Variants in PDCD1 observed in about 807,000 individuals in gnomAD.
PDCD1 encodes programmed cell death 1, also known as programmed cell death protein 1.
A neutral mutation model predicts 23.6 loss-of-function variants in PDCD1; 10 were observed. The observed-to-expected ratio is 0.42, with a 90% confidence interval of 0.26 to 0.72. PDCD1 has a LOEUF of 0.72. PDCD1 is among the 30% of genes least tolerant of loss of function. PDCD1 has a pLI of 0.24. For missense variants in PDCD1, 313 were observed against 397.8 expected (o/e 0.79, Z 1.81); for synonymous variants, 168 against 169.3 (o/e 0.99, Z 0.06).
chr2:241,857,989 C>G (rs999812626), intron 1 of PDCD1, among the ~76,000 whole-genome samples: 1 of 152,170 alleles, frequency 6.6e-6, no homozygotes, highest in African/African-American at 2.4e-5. Context: ...GGGCTGTGGT[C>G]ACAGTGTACA....
intron 1 of PDCD1, among the ~76,000 whole-genome samples, chr2:241,855,946 C>T (rs932261052): frequency 2.0e-5 from 3 of 152,168 alleles, no homozygotes; most frequent in Admixed American, 6.5e-5. Context: ...CCTCAGAAGG[C>T]GGCCTTATTA....
At chr2:241,854,685 G>A (rs1700985223) in intron 1 of PDCD1, among the ~76,000 whole-genome samples, 1 of 152,134 alleles carries the variant, frequency 6.6e-6, no homozygotes, top group South Asian at 2.1e-4. Context: ...CCTGCCCTCT[G>A]GGTTTCTGGG....
intron 1 of PDCD1, among the ~76,000 whole-genome samples, chr2:241,857,900 A>G (rs1701060215): frequency 6.6e-6 from 1 of 151,670 alleles, no homozygotes; most frequent in Admixed American, 6.6e-5. Flanking sequence ...GGGTGAAACC[A>G]CCCTCCCCAG....
chr2:241,858,762 C>T lies in PDCD1; in HGVS notation c.76+1G>A. ...GACACCTGACCGCCGACCCCACCTA[C>T]CTAAGAACCATCCTGGCCGCCAGCC... is the stretch of plus-strand genomic sequence containing the variant. On this transcript the variant is annotated splice_donor_variant, in intron 1 of 4. Transcript: ENST00000334409. LOFTEE classifies it high-confidence loss of function. 6.3e-7 allele frequency: 1 copy of T among 1,589,060 alleles called. No individual in the cohort carries two copies. Among genetic ancestry groups the T allele is most frequent in the Non-Finnish European group, 8.6e-7 (1 of 1,168,168 alleles).
intron 1 of PDCD1, among the ~76,000 whole-genome samples, chr2:241,854,963 G>A (rs1700990111): frequency 6.6e-6 from 1 of 152,238 alleles, no homozygotes; most frequent in African/African-American, 2.4e-5. Context: ...TCTTGTAACT[G>A]GAAACTTAGC....
At chr2:241,856,704 G>A (rs1701035109) in intron 1 of PDCD1, among the ~76,000 whole-genome samples, 1 of 152,056 alleles carries the variant, frequency 6.6e-6, no homozygotes, top group African/African-American at 2.4e-5. Context: ...CGTGCCTATA[G>A]TCCCAGCTAC....
intron 2 of PDCD1, 79 bp from the exon 3 acceptor site, chr2:241,852,432 G>A: frequency 1.7e-6 from 2 of 1,147,138 alleles, no homozygotes. Context: ...AGACTAGAGG[G>A]GCTGGGGTGC....
At chr2:241,852,502 G>T in intron 2 of PDCD1, 119 bp downstream of exon 2, 1 of 1,304,972 alleles carries the variant, frequency 7.7e-7, no homozygotes, top group Non-Finnish European at 1.0e-6. Flanking sequence ...ACAGAGCCCT[G>T]GACTGGAGCT....
In PDCD1 at chr2:241,858,809, G is replaced by A. The variant is rs770292819; in HGVS notation, c.30C>T (p.Val10=). The change falls in exon 1 of 5, where the codon GTC becomes GTT. Residue 10 remains valine, a synonymous_variant. Transcript: ENST00000334409. ...AGCCCAGTTGTAGCACCGCCCAGAC[G>A]ACTGGCCAGGGCGCCTGTGGGATCT... The part of the protein sequence containing the change: MQIPQAPWP[V]VWAVLQLGWR... 20 of 1,589,092 alleles carry A rather than the reference G, an allele frequency of 1.3e-5. No homozygotes were observed. The highest frequency in any genetic ancestry group is 1.3e-5 in the Non-Finnish European group (15 of 1,168,362).
In PDCD1 at chr2:241,850,844, C is replaced by T. The variant is rs1217863273; in HGVS notation, c.*214G>A. 3.1e-6 allele frequency: 2 copies of T among 635,958 alleles called. No homozygotes were observed. The highest frequency in any genetic ancestry group is 2.7e-6 in the Non-Finnish European group (1 of 363,760). The allele number at this position is 635,958 out of a possible 1,614,324, so 39.4% of individuals were successfully genotyped here. A position where few individuals can be genotyped will look rare whatever the true frequency, so the allele number is the denominator to read the frequency against. ...GCCCTCCCTGTAGGGGACGGTGACA[C>T]CTGCTGCCTGGGCTCACTGTGGGCA... is the stretch of plus-strand genomic sequence containing the variant. On this transcript the variant is annotated 3_prime_UTR_variant, in exon 5 of 5. Transcript: ENST00000334409.
rs374226608 is a variant in PDCD1, at chr2:241,851,007, C to T, written c.*51G>A. Reference sequence around the variant, plus strand: ...TGCTTCTCCTGAGGAAATGCGCTGACCCGGGCTCATGGTGGAGGGTCTGCA... The same window carrying T: ...TGCTTCTCCTGAGGAAATGCGCTGATCCGGGCTCATGGTGGAGGGTCTGCA... On this transcript the variant is annotated 3_prime_UTR_variant, in exon 5 of 5. Coordinates refer to ENST00000334409, the MANE Select transcript of PDCD1 (RefSeq NM_005018.3). The T allele has an allele frequency of 2.5e-6, 4 of 1,573,456 alleles. No individual in the cohort carries two copies. The highest frequency in any genetic ancestry group is 1.3e-5 in the African/African-American group (1 of 74,246).
chr2:241,855,948 G>A (rs1321570537), intron 1 of PDCD1, among the ~76,000 whole-genome samples: 3 of 152,198 alleles, frequency 2.0e-5, no homozygotes, highest in African/African-American at 7.2e-5. Context: ...TCAGAAGGCG[G>A]CCTTATTAGG....
At position 241,857,750 on chromosome 2, in the gene PDCD1, G is replaced by A. The variant is rs1575403014; in HGVS notation, c.76+1013C>T. On this transcript the variant is annotated intron_variant, in intron 1 of 4. Transcript: ENST00000334409. ...GGAACCCCCAGTCGCCTGCCACAGT[G>A]AAGGGGCACCAGGACCCCCGGGGCA... is the stretch of plus-strand genomic sequence containing the variant. Among the ~76,000 whole-genome samples the A allele has an allele frequency of 3.3e-5, 5 of 152,322 alleles. 1 individual carries two copies. The South Asian group carries it at 1.0e-3, about 32-fold the overall frequency.
At position 241,850,679 on chromosome 2, in the gene PDCD1, CGG is replaced by C; in HGVS notation, c.*377_*378del. On this transcript the variant is annotated 3_prime_UTR_variant, in exon 5 of 5. Transcript: ENST00000334409. ...GCCCCCAAGTTCAGGCAGGAGGCTC[CGG>C]GGCGTCAGGCAGGGCCACGGCGCCT... is the stretch of plus-strand genomic sequence containing the variant. The C allele has an allele frequency of 2.0e-6, 1 of 511,386 alleles. No individual in the cohort carries two copies. Among genetic ancestry groups the C allele is most frequent in the African/African-American group, 1.9e-5 (1 of 53,164 alleles). 31.7% of individuals were successfully genotyped at this position (511,386 alleles called of 1,614,324 possible).
intron 1 of PDCD1, among the ~76,000 whole-genome samples, chr2:241,854,858 A>G (rs748128527): frequency 7.2e-5 from 11 of 152,200 alleles, no homozygotes; most frequent in Non-Finnish European, 1.5e-4. Flanking sequence ...AGGAAGTGCT[A>G]AGGGACCCCC....
chr2:241,851,614 C>T (rs1055963199), intron 4 of PDCD1, among the ~76,000 whole-genome samples: 4 of 152,180 alleles, frequency 2.6e-5, no homozygotes, highest in Non-Finnish European at 4.4e-5. Flanking sequence ...GGTGGGCACA[C>T]GCATGGGCCG....
At position 241,850,739 on chromosome 2, in the gene PDCD1, G is replaced by A; in HGVS notation, c.*319C>T. ...CGGGCCGCAGGCAGCAGCAGCAGCAGCAGCAGCAGCAGCAGAGATTCAGGG... is the reference window on the plus strand; with the variant it reads ...CGGGCCGCAGGCAGCAGCAGCAGCAACAGCAGCAGCAGCAGAGATTCAGGG... On this transcript the variant is annotated 3_prime_UTR_variant, in exon 5 of 5. Transcript: ENST00000334409. 1 of 615,844 alleles carries A rather than the reference G, an allele frequency of 1.6e-6. No individual in the cohort carries two copies. Among genetic ancestry groups the A allele is most frequent in the South Asian group, 1.6e-5 (1 of 64,318 alleles). The allele number at this position is 615,844 out of a possible 1,614,324, so 38.1% of individuals were successfully genotyped here. A position where few individuals can be genotyped will look rare whatever the true frequency, so the allele number is the denominator to read the frequency against.
Position 241,850,241 on chromosome 2 carries a change from T to C in PDCD1, c.*817A>G. Reference sequence around the variant, plus strand: ...TGGCCACAGCTGGGAGGGGCCTGAGTCAACCCCAGCCCTGCCCTCCTGACC... The same window carrying C: ...TGGCCACAGCTGGGAGGGGCCTGAGCCAACCCCAGCCCTGCCCTCCTGACC... On this transcript the variant is annotated 3_prime_UTR_variant, in exon 5 of 5. Transcript: ENST00000334409. The C allele has an allele frequency of 4.3e-6, 1 of 233,274 alleles. No individual in the cohort carries two copies. The highest frequency in any genetic ancestry group is 2.2e-5 in the African/African-American group (1 of 45,422). 14.5% of individuals were successfully genotyped at this position (233,274 alleles called of 1,614,324 possible).
In PDCD1 at chr2:241,854,818, G is replaced by A. The variant is rs1039995911; in HGVS notation, c.77-1838C>T. On this transcript the variant is annotated intron_variant, in intron 1 of 4. Transcript: ENST00000334409. The stretch of plus-strand genomic sequence containing the variant: ...GCAGGTGAGGAACAGAAGTCATCAC[G>A]GGTACTGTGAGCAGGGACCCTGCAT... Among the ~76,000 whole-genome samples the A allele has an allele frequency of 2.0e-5, 3 of 152,180 alleles. No homozygotes were observed. In the East Asian group the frequency reaches 5.8e-4, roughly 29 times the overall value.
Sources: gnomAD v4.1 joint callset for allele counts (sites outside exome capture counted in the v4.1 genomes callset) on GRCh38, gnomAD v4.1.1 for gene constraint, MANE v1.5 for transcripts, NCBI Gene and HGNC (gene_info 2026-07-23, HGNC 2026-07-21) for gene names.